The following GRIK2 variants were observed in gnomAD, a reference collection of about 807,000 sequenced individuals.
GRIK2 encodes glutamate receptor ionotropic, kainate 2.
A neutral mutation model predicts 100.3 loss-of-function variants in GRIK2; 32 were observed. The observed-to-expected ratio is 0.32, with a 90% CI of 0.24 to 0.43. The LOEUF is 0.43. GRIK2 is among the 20% of genes least tolerant of loss of function. The pLI is 1.00. For synonymous variants in GRIK2, 417 were observed against 389.4 expected, an observed-to-expected ratio of 1.07 and a Z score of -0.83; for missense variants, 843 against 1,114.9, an observed-to-expected ratio of 0.76 and a Z score of 3.47.
At chr6:101,684,753 A>T (rs1357002031) in intron 6 of GRIK2, among the ~76,000 whole-genome samples, 2 of 149,482 alleles carry the variant, frequency 1.3e-5, no homozygotes, top group Non-Finnish European at 3.0e-5. Flanking sequence ...TTTGATAAAG[A>T]GTAGATAGTT....
intron 1 of GRIK2, among the ~76,000 whole-genome samples, chr6:101,394,342 G>A (rs987743916): frequency 1.3e-5 from 2 of 152,166 alleles, no homozygotes; most frequent in African/African-American, 4.8e-5. Context: ...CTTGGAGGGC[G>A]TCCCATTAGG....
intron 16 of GRIK2, among the ~76,000 whole-genome samples, chr6:102,066,330 A>T (rs1355463779): frequency 6.6e-6 from 1 of 151,582 alleles, no homozygotes; most frequent in Non-Finnish European, 1.5e-5. Flanking sequence ...TCAACATTTA[A>T]AGAGCTTATG....
chr6:101,773,902 C>T (rs947436094), intron 7 of GRIK2, among the ~76,000 whole-genome samples: 2 of 152,044 alleles, frequency 1.3e-5, no homozygotes, highest in Admixed American at 1.3e-4. Context: ...TGACAAGTTG[C>T]TACTACAATT....
intron 2 of GRIK2, among the ~76,000 whole-genome samples, chr6:101,443,084 G>A (rs1562141441): frequency 6.6e-6 from 1 of 151,970 alleles, no homozygotes; most frequent in Non-Finnish European, 1.5e-5. Flanking sequence ...ATGCATCACA[G>A]AATGATCACC....
intron 4 of GRIK2, among the ~76,000 whole-genome samples, chr6:101,639,266 T>G (rs901984348): frequency 6.6e-6 from 1 of 152,062 alleles, no homozygotes; most frequent in African/African-American, 2.4e-5. Flanking sequence ...ACTCCTGATA[T>G]CAAGTGATCT....
At chr6:101,595,712 G>GTATATATATATATATATATATATATATA (rs1162539380) in intron 2 of GRIK2, among the ~76,000 whole-genome samples, 1 of 131,508 alleles carries the variant, frequency 7.6e-6, no homozygotes, top group African/African-American at 3.0e-5. Flanking sequence ...GTGTGTGTGT[G>GTATATATATATATATATATATATATATA]TGTGTGTATA....
At chr6:101,954,213 G>A (rs550656820) in intron 14 of GRIK2, among the ~76,000 whole-genome samples, 94 of 152,166 alleles carry the variant, frequency 6.2e-4, no homozygotes, top group Non-Finnish European at 1.1e-3. Context: ...TTTTGACTAT[G>A]TCAGGTTCCC....
At chr6:101,911,719 G>GT (rs1478525034) in intron 12 of GRIK2, among the ~76,000 whole-genome samples, 1 of 151,272 alleles carries the variant, frequency 6.6e-6, no homozygotes, top group East Asian at 2.0e-4. Flanking sequence ...TGTTTTCTAC[G>GT]TAAAACAACA....
Position 101,682,535 on chromosome 6 carries a change from ATTT to A in GRIK2, c.724-9_724-7del. 3.3e-6 allele frequency: 3 copies of A among 905,428 alleles called. No individual in the cohort carries two copies. Among genetic ancestry groups the A allele is most frequent in the South Asian group, 1.7e-5 (1 of 60,054 alleles). 56.1% of individuals were successfully genotyped at this position (905,428 alleles called of 1,614,324 possible). A position where few individuals can be genotyped will look rare whatever the true frequency, so the allele number is the denominator to read the frequency against. On this transcript the variant is annotated splice_polypyrimidine_tract_variant and intron_variant, in intron 5 of 16. Coordinates refer to ENST00000369134, the MANE Select transcript of GRIK2 (RefSeq NM_021956.5). ...TTTCCTGAAATATGTACCTTCAGTA[ATTT>A]TTTTTTTTCCTTAGGCATTAGCTAT...
At chr6:101,929,306 A>G (rs1790112066) in intron 14 of GRIK2, among the ~76,000 whole-genome samples, 1 of 152,246 alleles carries the variant, frequency 6.6e-6, no homozygotes, top group East Asian at 1.9e-4. Context: ...AAAGTAGACC[A>G]GTTGAGGGAT....
intron 14 of GRIK2, among the ~76,000 whole-genome samples, chr6:101,994,741 T>C (rs993088057): frequency 4.2e-4 from 64 of 151,996 alleles, no homozygotes; most frequent in African/African-American, 1.5e-3. Flanking sequence ...ATGCCCCATT[T>C]TTTCCAGAAA....
intron 7 of GRIK2, among the ~76,000 whole-genome samples, chr6:101,733,443 T>C (rs1056288713): frequency 3.3e-5 from 5 of 152,292 alleles, no homozygotes; most frequent in Non-Finnish European, 7.4e-5. Flanking sequence ...CTTCATTCTG[T>C]CTTTTTTACT....
chr6:101,988,053 T>A (rs1463002523), intron 14 of GRIK2, among the ~76,000 whole-genome samples: 3 of 150,980 alleles, frequency 2.0e-5, no homozygotes, highest in Non-Finnish European at 3.0e-5. Flanking sequence ...CTCAGTACTG[T>A]GAGAACTGAT....
chr6:101,651,135 T>G (rs1470523409), intron 4 of GRIK2, among the ~76,000 whole-genome samples: 1 of 152,012 alleles, frequency 6.6e-6, no homozygotes, highest in Non-Finnish European at 1.5e-5. Context: ...TATGATCAAT[T>G]TTCCCCAGAA....
chr6:102,043,731 A>G (rs1770724253), intron 15 of GRIK2, among the ~76,000 whole-genome samples: 1 of 85,220 alleles, frequency 1.2e-5, no homozygotes, highest in African/African-American at 3.6e-5. Flanking sequence ...GAATGTGCAC[A>G]TCTCTTTGAC....
At chr6:101,634,664 A>G (rs1250122052) in intron 4 of GRIK2, among the ~76,000 whole-genome samples, 1 of 152,112 alleles carries the variant, frequency 6.6e-6, no homozygotes, top group Non-Finnish European at 1.5e-5. Context: ...GGAGATAAAT[A>G]TAGACATGAG....
chr6:101,512,136 A>T (rs1257151269), intron 2 of GRIK2, among the ~76,000 whole-genome samples: 2 of 151,608 alleles, frequency 1.3e-5, no homozygotes, highest in Non-Finnish European at 2.9e-5. Flanking sequence ...TCATTTATTA[A>T]TTATATACCT....
At chr6:102,018,850 A>G (rs772241985) in intron 14 of GRIK2, among the ~76,000 whole-genome samples, 6 of 152,114 alleles carry the variant, frequency 3.9e-5, no homozygotes, top group Admixed American at 6.6e-5. Flanking sequence ...GGAAAGACCA[A>G]TTAAATCTTA....
chr6:101,522,644 A>C (rs1774933745), intron 2 of GRIK2, among the ~76,000 whole-genome samples: 1 of 152,134 alleles, frequency 6.6e-6, no homozygotes. Flanking sequence ...GGCATTAGTC[A>C]TGTCCACTAA....
Sources: allele counts gnomAD v4.1 joint callset (sites outside exome capture counted in the v4.1 genomes callset), GRCh38; gene constraint gnomAD v4.1.1; transcripts MANE v1.5; gene names NCBI Gene and HGNC (gene_info 2026-07-23, HGNC 2026-07-21).